The following SPATA12 variants were observed in gnomAD, a reference collection of about 807,000 sequenced individuals.
SPATA12 encodes spermatogenesis-associated protein 12.
For synonymous variants in SPATA12, 85 were observed against 89.2 expected (o/e 0.95, Z 0.26); for missense variants, 219 against 226.4 (o/e 0.97, Z 0.21).
Position 57,074,158 on chromosome 3 carries a change from C to G in SPATA12, c.464C>G (p.Pro155Arg). 6.2e-7 allele frequency: 1 copy of G among 1,614,102 alleles called. No individual in the cohort carries two copies. Among genetic ancestry groups the G allele is most frequent in the African/African-American group, 1.3e-5 (1 of 75,010 alleles). ...WRLCEDIDAE[P>R]SSTGCSRSNQ... is the part of the protein sequence containing the mutation. ...CTGTGTGAGGATATAGATGCCGAGC[C>G]CAGTAGCACAGGGTGCAGCCGTTCA... Residue 155 changes from proline to arginine, a missense_variant, in exon 2 of 2, where the codon CCC becomes CGC. Physicochemically the swap from Pro to Arg is moderately radical, Grantham distance 103 (BLOSUM62 -2). Coordinates refer to ENST00000334325, the MANE Select transcript of SPATA12 (RefSeq NM_181727.2).
chr3:57,068,460 C>A (rs372193175), intron 1 of SPATA12, among the ~76,000 whole-genome samples: 3 of 152,322 alleles, frequency 2.0e-5, no homozygotes, highest in African/African-American at 4.8e-5. Context: ...CCAATTCTCT[C>A]GCCTCAAAAG....
At chr3:57,064,736 T>C (rs185172735) in intron 1 of SPATA12, among the ~76,000 whole-genome samples, 7 of 152,200 alleles carry the variant, frequency 4.6e-5, no homozygotes, top group Admixed American at 3.9e-4. Flanking sequence ...TCTAGAACAG[T>C]CAAATTCAGA....
chr3:57,067,454 AAATAATAAT>A (rs10528636), intron 1 of SPATA12, among the ~76,000 whole-genome samples: 64 of 140,450 alleles, frequency 4.6e-4, no homozygotes, highest in Non-Finnish European at 5.8e-4. Flanking sequence ...CTCTGTCTCA[AAATAATAAT>A]AATAATAATA....
intron 1 of SPATA12, among the ~76,000 whole-genome samples, chr3:57,063,249 C>CA (rs1278207309): frequency 4.0e-5 from 6 of 151,774 alleles, no homozygotes; most frequent in Non-Finnish European, 7.4e-5. Flanking sequence ...AGAGAGGAGT[C>CA]AGAGAGGAAA....
intron 1 of SPATA12, among the ~76,000 whole-genome samples, chr3:57,066,044 A>AC (rs199909715): frequency 0.027 from 3,801 of 141,256 alleles, 152 homozygotes; most frequent in African/African-American, 0.092. Context: ...CCAAAACAAA[A>AC]AAAAAAAACC....
intron 1 of SPATA12, among the ~76,000 whole-genome samples, chr3:57,063,539 A>G (rs985613711): frequency 2.6e-5 from 4 of 152,130 alleles, no homozygotes; most frequent in African/African-American, 9.7e-5. Flanking sequence ...AGTGAAGAGA[A>G]GAGAGATACA....
intron 1 of SPATA12, among the ~76,000 whole-genome samples, chr3:57,071,708 C>A (rs1240219397): frequency 2.0e-5 from 3 of 150,724 alleles, no homozygotes; most frequent in Non-Finnish European, 4.4e-5. Flanking sequence ...CATGACCTTG[C>A]ATCAGGCAAA....
At chr3:57,069,350 T>C (rs1018596753) in intron 1 of SPATA12, among the ~76,000 whole-genome samples, 8 of 149,652 alleles carry the variant, frequency 5.3e-5, no homozygotes, top group African/African-American at 1.7e-4. Flanking sequence ...ACAACTGCAA[T>C]AAATAACTCT....
intron 1 of SPATA12, among the ~76,000 whole-genome samples, chr3:57,062,037 C>G (rs1156714827): frequency 6.6e-6 from 1 of 151,992 alleles, no homozygotes; most frequent in Non-Finnish European, 1.5e-5. Context: ...GACTAAGGAT[C>G]AAGTAAAAAA....
chr3:57,068,946 G>A (rs1008339602), intron 1 of SPATA12, among the ~76,000 whole-genome samples: 3 of 142,646 alleles, frequency 2.1e-5, no homozygotes, highest in African/African-American at 7.9e-5. Flanking sequence ...TTCTGAGACC[G>A]AGTCTCGCTG....
At chr3:57,067,223 G>A (rs898782142) in intron 1 of SPATA12, among the ~76,000 whole-genome samples, 1 of 151,848 alleles carries the variant, frequency 6.6e-6, no homozygotes, top group Non-Finnish European at 1.5e-5. Flanking sequence ...AGGCCAAGGC[G>A]GGTGGATCAC....
At chr3:57,061,908 T>C (rs1705242098) in intron 1 of SPATA12, among the ~76,000 whole-genome samples, 2 of 152,208 alleles carry the variant, frequency 1.3e-5, no homozygotes, top group South Asian at 4.1e-4. Flanking sequence ...TGAGCCCGCA[T>C]AGGTTCAGAT....
chr3:57,061,392 G>C (rs188446499), intron 1 of SPATA12, among the ~76,000 whole-genome samples: 15 of 152,136 alleles, frequency 9.9e-5, no homozygotes, highest in African/African-American at 3.4e-4. Flanking sequence ...CAAACTCCTG[G>C]GCTCAAGAGA....
chr3:57,063,279 G>A (rs1423981840), intron 1 of SPATA12, among the ~76,000 whole-genome samples: 1 of 137,772 alleles, frequency 7.3e-6, no homozygotes, highest in Non-Finnish European at 1.5e-5. Flanking sequence ...ATCACATGGG[G>A]CCTTGCAGCC....
chr3:57,074,070 A>G lies in SPATA12; in HGVS notation c.376A>G (p.Thr126Ala), dbSNP rs769877048. The change falls in exon 2 of 2, where the codon ACA (threonine) becomes GCA (alanine). Residue 126 changes from threonine to alanine, a missense_variant. By Grantham distance (58) the Thr-to-Ala change is moderately conservative. Coordinates refer to ENST00000334325, the MANE Select transcript of SPATA12 (RefSeq NM_181727.2). ...GSCEQVIHNS[T>A]PQFLGMEDGD... is the part of the protein sequence containing the mutation. ...TTGTGAGCAAGTTATTCATAACTCT[A>G]CACCTCAATTTCTTGGTATGGAAGA... 1.9e-6 allele frequency: 3 copies of G among 1,613,882 alleles called. No homozygotes were observed. Among genetic ancestry groups the G allele is most frequent in the Admixed American group, 3.3e-5 (2 of 60,010 alleles).
chr3:57,069,074 C>T (rs985088898), intron 1 of SPATA12, among the ~76,000 whole-genome samples: 1 of 152,060 alleles, frequency 6.6e-6, no homozygotes, highest in Admixed American at 6.6e-5. Flanking sequence ...AGGCACTCAC[C>T]ACCACGTCTG....
Position 57,074,870 on chromosome 3 carries a change from A to C in SPATA12, c.*603A>C, listed in dbSNP as rs184729581. On this transcript the variant is annotated 3_prime_UTR_variant, in exon 2 of 2. Transcript: ENST00000334325. Reference sequence around the variant, plus strand: ...ACACATTGCTCAGGTCTCACCCTGTAAATGTAGGTACCAGCCTTCTAGTTG... The same window carrying C: ...ACACATTGCTCAGGTCTCACCCTGTCAATGTAGGTACCAGCCTTCTAGTTG... The C allele has an allele frequency of 3.0e-3, 511 of 167,546 alleles. 3 individuals carry two copies. The highest frequency in any genetic ancestry group is 2.6e-3 in the Non-Finnish European group (181 of 68,438). 10.4% of individuals were successfully genotyped at this position (167,546 alleles called of 1,614,324 possible).
rs1467994402 is a variant in SPATA12 at position 57,073,947 on chromosome 3, T to C, written c.253T>C (p.Tyr85His). Residue 85 changes from tyrosine to histidine, a missense_variant, in exon 2 of 2, where the codon TAT (tyrosine) becomes CAT (histidine). Tyr to His is a moderately conservative substitution (Grantham distance 83, BLOSUM62 2). Coordinates refer to ENST00000334325, the MANE Select transcript of SPATA12 (RefSeq NM_181727.2). ...DVCQSETCQRYLQAAISLDIA... is the reference protein window; with the variant it reads ...DVCQSETCQRHLQAAISLDIA... Reference sequence around the variant, plus strand: ...GTGCCAAAGTGAGACCTGTCAGAGATATTTACAAGCAGCCATCTCTCTTGA... The same window carrying C: ...GTGCCAAAGTGAGACCTGTCAGAGACATTTACAAGCAGCCATCTCTCTTGA... 1 of 1,614,080 alleles carries C rather than the reference T, an allele frequency of 6.2e-7. No homozygotes were observed. The highest frequency in any genetic ancestry group is 1.3e-5 in the African/African-American group (1 of 74,928).
At chr3:57,065,176 C>T (rs4681718) in intron 1 of SPATA12, among the ~76,000 whole-genome samples, 33,539 of 152,086 alleles carry the variant, frequency 0.22, 4,269 homozygotes, top group East Asian at 0.48. Flanking sequence ...TGCAAAAGGC[C>T]GGGCGCAGTG....
Sources: allele counts gnomAD v4.1 joint callset (sites outside exome capture counted in the v4.1 genomes callset), GRCh38; gene constraint gnomAD v4.1.1; transcripts MANE v1.5; gene names NCBI Gene and HGNC (gene_info 2026-07-23, HGNC 2026-07-21).